The following GNAL variants were observed in gnomAD, a reference collection of about 807,000 sequenced individuals.
The protein encoded by GNAL is G protein subunit alpha L.
In GNAL, 18 loss-of-function variants were observed where a neutral mutation model predicts 55.1. That is an observed-to-expected ratio of 0.33 (90% CI 0.23 to 0.48). The LOEUF (loss-of-function observed/expected upper bound fraction) is 0.48. Among genes scored for constraint, GNAL ranks in the 20% least tolerant of loss-of-function variants. The pLI is 0.99. For synonymous variants in GNAL, 253 were observed against 237.0 expected (o/e 1.07, Z -0.62); for missense variants, 412 against 614.1 (o/e 0.67, Z 3.48).
Position 11,769,122 on chromosome 18 carries a change from A to C in GNAL, c.624+15177A>C, listed in dbSNP as rs1184248873. ...TATTATAATATAGATTATATAAATT[A>C]TATGTAATATATATTATAATATAGA... On this transcript the variant is annotated intron_variant, in intron 4 of 11. Transcript: ENST00000334049. 2.2e-3 allele frequency among the ~76,000 whole-genome samples: 203 copies of C among 94,310 alleles called. 18 individuals are homozygous for C. The East Asian group carries it at 0.033, about 16-fold the overall frequency. 61.9% of individuals were successfully genotyped at this position (94,310 alleles called of 152,430 possible).
intron 4 of GNAL, among the ~76,000 whole-genome samples, chr18:11,754,417 CA>C (rs777493527): frequency 0.021 from 2,468 of 119,216 alleles, 59 homozygotes; most frequent in African/African-American, 0.063. Flanking sequence ...ACTCCCATCT[CA>C]AAAAAAAAAA....
rs1187072238 is a variant in GNAL, at chr18:11,751,159, AG to A, written c.377-1692del. Among the ~76,000 whole-genome samples, 1 of 152,102 alleles carries A rather than the reference AG, an allele frequency of 6.6e-6. No individual in the cohort carries two copies. The highest frequency in any genetic ancestry group is 1.9e-4 in the East Asian group (1 of 5,184). ...GGTCAACTGGGAGCCGCCACACACAAGGAACAGTGATTTCTCCACGCCCACG... is the reference window on the plus strand; with the variant it reads ...GGTCAACTGGGAGCCGCCACACACAAGAACAGTGATTTCTCCACGCCCACG... On this transcript the variant is annotated intron_variant, in intron 1 of 11. Coordinates refer to ENST00000334049, the MANE Select transcript of GNAL (RefSeq NM_182978.4). This position sits in a 1 kb window ranked among gnomAD's most constrained non-coding sequence, Gnocchi z 4.5.
At chr18:11,825,304 T>C (rs1244032234) in intron 5 of GNAL, among the ~76,000 whole-genome samples, 2 of 152,222 alleles carry the variant, frequency 1.3e-5, no homozygotes, top group Admixed American at 6.5e-5. Flanking sequence ...ATTGGTAAGT[T>C]AAAGTGAACT....
chr18:11,754,995 T>TGA (rs200967689), intron 4 of GNAL, among the ~76,000 whole-genome samples: 1,101 of 75,442 alleles, frequency 0.015, 3 homozygotes, highest in African/African-American at 0.021. Context: ...GAAGTGAGTG[T>TGA]GTATGTGTGT....
intron 4 of GNAL, among the ~76,000 whole-genome samples, chr18:11,770,827 A>T (rs1344155170): frequency 6.6e-6 from 1 of 152,178 alleles, no homozygotes; most frequent in Non-Finnish European, 1.5e-5. Context: ...TAAGTTTTTT[A>T]AAAATAGTTC....
chr18:11,863,918 G>A (rs562117124), intron 6 of GNAL, among the ~76,000 whole-genome samples: 3 of 152,174 alleles, frequency 2.0e-5, no homozygotes, highest in Admixed American at 1.3e-4. Context: ...TGTCCCTCTG[G>A]AATGCTGATG....
At chr18:11,692,092 G>A (rs1425708071) in intron 1 of GNAL, among the ~76,000 whole-genome samples, 1 of 152,118 alleles carries the variant, frequency 6.6e-6, no homozygotes. Context: ...TTGGGCTTTT[G>A]ATCGCAATTT....
At chr18:11,851,379 C>T (rs948278799) in intron 5 of GNAL, 17 of 1,206,754 alleles carry the variant, frequency 1.4e-5, no homozygotes, top group African/African-American at 6.1e-5. Context: ...ACGTCACCAC[C>T]TGCGCCGCTC....
chr18:11,815,393 G>A (rs932388462), intron 4 of GNAL, among the ~76,000 whole-genome samples: 1 of 152,110 alleles, frequency 6.6e-6, no homozygotes, highest in Non-Finnish European at 1.5e-5. Context: ...GAAGCAAAGC[G>A]GCTTCTGCTT....
intron 5 of GNAL, among the ~76,000 whole-genome samples, chr18:11,846,472 C>G (rs1461446939): frequency 6.7e-6 from 1 of 148,252 alleles, no homozygotes; most frequent in African/African-American, 2.5e-5. Flanking sequence ...TATACACACA[C>G]ACACACACAC....
chr18:11,864,396 G>A, intron 6 of GNAL, 137 bp from the exon 7 acceptor site: 1 of 680,128 alleles, frequency 1.5e-6, no homozygotes. Context: ...CTCGGCCAAT[G>A]TTGGTTCTTA....
At chr18:11,861,713 G>C (rs2033741295) in intron 5 of GNAL, among the ~76,000 whole-genome samples, 1 of 152,156 alleles carries the variant, frequency 6.6e-6, no homozygotes, top group South Asian at 2.1e-4. Flanking sequence ...TCACCCAAGA[G>C]CGGCGCACAG....
At chr18:11,736,896 C>A (rs540745001) in intron 1 of GNAL, among the ~76,000 whole-genome samples, 3 of 152,246 alleles carry the variant, frequency 2.0e-5, no homozygotes, top group African/African-American at 7.2e-5. Flanking sequence ...TGGACAAGGG[C>A]ATACTGGTTC....
At position 11,842,256 on chromosome 18, in the gene GNAL, C is replaced by T. The variant is rs143190106; in HGVS notation, c.722+17241C>T. ...TTGGCCTCCCAAATTGCTGGGATTA[C>T]AGGCATGAGCCACCGCGCTCGGCCT... On this transcript the variant is annotated intron_variant, in intron 5 of 11. Transcript: ENST00000334049. Among the ~76,000 whole-genome samples, 1,113 of 152,188 alleles carry T rather than the reference C, an allele frequency of 7.3e-3. 19 individuals carry two copies. Among genetic ancestry groups the T allele is most frequent in the African/African-American group, 0.025 (1,018 of 41,536 alleles).
intron 1 of GNAL, among the ~76,000 whole-genome samples, chr18:11,705,063 AAT>A (rs2031675275): frequency 6.6e-6 from 1 of 152,224 alleles, no homozygotes; most frequent in Non-Finnish European, 1.5e-5. Context: ...TCTACAACTT[AAT>A]CATCTTGCAT....
intron 1 of GNAL, among the ~76,000 whole-genome samples, chr18:11,737,314 C>T (rs760979281): frequency 7.2e-5 from 11 of 152,200 alleles, no homozygotes; most frequent in Non-Finnish European, 1.2e-4. Context: ...TGCTTCATTA[C>T]AATAATGCCT....
At chr18:11,802,180 C>A (rs1429335215) in intron 4 of GNAL, among the ~76,000 whole-genome samples, 1 of 152,172 alleles carries the variant, frequency 6.6e-6, no homozygotes, top group Non-Finnish European at 1.5e-5. Context: ...ATGCTCCTTA[C>A]GAACTTCGCC....
chr18:11,810,259 T>C (rs568327131), intron 4 of GNAL: 1 of 152,312 alleles, frequency 6.6e-6, no homozygotes, highest in East Asian at 1.9e-4. Flanking sequence ...CCAGGCGTGG[T>C]GGTGTGCGCC....
chr18:11,757,068 T>C (rs1423771185), intron 4 of GNAL, among the ~76,000 whole-genome samples: 1 of 152,162 alleles, frequency 6.6e-6, no homozygotes, highest in Non-Finnish European at 1.5e-5. Flanking sequence ...GAATAACTTA[T>C]CTTAGAAACA....
Sources: gnomAD v4.1 joint callset for allele counts (sites outside exome capture counted in the v4.1 genomes callset) on GRCh38, gnomAD v4.1.1 for gene constraint, Gnocchi (gnomAD v3.1) non-coding constraint, MANE v1.5 for transcripts, NCBI Gene and HGNC (gene_info 2026-07-23, HGNC 2026-07-21) for gene names.